The following PDE10A variants were observed in gnomAD, a reference collection of about 807,000 sequenced individuals.
PDE10A encodes phosphodiesterase 10A, also known as cAMP and cAMP-inhibited cGMP 3',5'-cyclic phosphodiesterase 10A.
In PDE10A, 39 loss-of-function variants were observed where a neutral mutation model predicts 97.7. That is an observed-to-expected ratio of 0.40 (90% confidence interval 0.31 to 0.52). PDE10A has a LOEUF of 0.52. Among genes scored for constraint, PDE10A ranks in the 20% least tolerant of loss-of-function variants. The pLI is 0.56. For synonymous variants in PDE10A, 371 were observed against 376.8 expected, an observed-to-expected ratio of 0.98 and a Z score of 0.18; for missense variants, 731 against 1,047.8, an observed-to-expected ratio of 0.70 and a Z score of 4.17.
intron 2 of PDE10A, among the ~76,000 whole-genome samples, chr6:165,541,181 A>ACTT (rs1783415753): frequency 6.6e-6 from 1 of 152,128 alleles, no homozygotes; most frequent in Admixed American, 6.5e-5. Flanking sequence ...CCTGTTTACT[A>ACTT]CTGATGCATT....
chr6:165,904,095 G>A (rs778486537), intron 1 of PDE10A, among the ~76,000 whole-genome samples: 7 of 152,292 alleles, frequency 4.6e-5, no homozygotes, highest in South Asian at 2.1e-4. Context: ...ATTATAGGAC[G>A]TAGGAGGGTT....
chr6:165,419,674 A>C (rs76792806), intron 10 of PDE10A, among the ~76,000 whole-genome samples: 3,168 of 152,080 alleles, frequency 0.021, 139 homozygotes, highest in African/African-American at 0.073. Flanking sequence ...TACTGTCCTG[A>C]GTGGGTTGGG....
At chr6:165,794,020 T>C (rs1341878010) in intron 1 of PDE10A, among the ~76,000 whole-genome samples, 1 of 152,076 alleles carries the variant, frequency 6.6e-6, no homozygotes, top group East Asian at 1.9e-4. Flanking sequence ...TCAAAGCTAG[T>C]AGCAAGCAAA....
At chr6:165,723,855 T>C (rs968477627) in intron 1 of PDE10A, among the ~76,000 whole-genome samples, 3 of 151,798 alleles carry the variant, frequency 2.0e-5, no homozygotes, top group Non-Finnish European at 4.4e-5. Context: ...AGGTGTTTTT[T>C]TTTTTAATTT....
intron 7 of PDE10A, 24 bp from the exon 8 acceptor site, chr6:165,431,496 C>A (rs1278660341): frequency 2.8e-6 from 4 of 1,430,266 alleles, no homozygotes; most frequent in Non-Finnish European, 3.9e-6. Flanking sequence ...GAAATACATA[C>A]CTATAAGTAA....
chr6:165,742,265 C>T (rs1407135845), intron 1 of PDE10A, among the ~76,000 whole-genome samples: 2 of 152,152 alleles, frequency 1.3e-5, no homozygotes, highest in East Asian at 3.9e-4. Context: ...GAATTGAAAT[C>T]GGCCCCCTTG....
chr6:165,557,669 TTTGA>T (rs1185163844), intron 1 of PDE10A, among the ~76,000 whole-genome samples: 1 of 152,214 alleles, frequency 6.6e-6, no homozygotes, highest in Non-Finnish European at 1.5e-5. Context: ...CTTGAAAATG[TTTGA>T]TTATCAATTC....
chr6:165,494,669 C>CTGTA (rs1780436887), intron 2 of PDE10A, among the ~76,000 whole-genome samples: 1 of 152,010 alleles, frequency 6.6e-6, no homozygotes, highest in Admixed American at 6.6e-5. Flanking sequence ...TATGAACTAG[C>CTGTA]TACAAAGTTA....
intron 1 of PDE10A, among the ~76,000 whole-genome samples, chr6:165,619,636 AGT>A (rs1788014921): frequency 1.6e-5 from 2 of 127,558 alleles, no homozygotes; most frequent in African/African-American, 2.7e-5. Context: ...AGTATAGTGT[AGT>A]GTAGTATAGT....
intron 18 of PDE10A, among the ~76,000 whole-genome samples, chr6:165,357,516 T>TG (rs1318565320): frequency 6.6e-6 from 1 of 152,042 alleles, no homozygotes; most frequent in Non-Finnish European, 1.5e-5. Context: ...TCCTGAGGGA[T>TG]GGGTGGTTTG....
At chr6:165,984,617 G>A (rs1289444423) in intron 1 of PDE10A, among the ~76,000 whole-genome samples, 1 of 152,194 alleles carries the variant, frequency 6.6e-6, no homozygotes, top group African/African-American at 2.4e-5. Context: ...CACTCATGGT[G>A]ATATTGAATT....
At chr6:165,906,478 A>G (rs146647203) in intron 1 of PDE10A, among the ~76,000 whole-genome samples, 33 of 152,266 alleles carry the variant, frequency 2.2e-4, no homozygotes, top group African/African-American at 7.7e-4. Context: ...TTCAAACTCC[A>G]GGTCTCAAAC....
Position 165,418,653 on chromosome 6 carries a change from T to C in PDE10A, c.1778A>G (p.Lys593Arg), listed in dbSNP as rs1040776614. The change falls in exon 11 of 22, where the codon AAG (lysine) becomes AGG (arginine). Residue 593 changes from lysine to arginine, a missense_variant. Physicochemically the swap from Lys to Arg is conservative, Grantham distance 26. Coordinates refer to ENST00000539869, the MANE Select transcript of PDE10A (RefSeq NM_001385079.1). The surrounding 1 kb of genome is among the most constrained non-coding windows in gnomAD (Gnocchi z 4.8). Reference protein sequence around the residue: ...GEEKEGKPVFKKTKEIRFSIE... With the variant: ...GEEKEGKPVFRKTKEIRFSIE... ...GCTGTACCTTATCTCTTTGGTCTTC[T>C]TGAAGACAGGTTTTCCTTCCTTTTC... is the stretch of plus-strand genomic sequence containing the variant. 4.3e-6 allele frequency: 7 copies of C among 1,613,228 alleles called. No individual in the cohort carries two copies. The highest frequency in any genetic ancestry group is 5.9e-6 in the Non-Finnish European group (7 of 1,179,796).
chr6:165,824,858 G>A (rs574694532), intron 1 of PDE10A, among the ~76,000 whole-genome samples: 7 of 151,710 alleles, frequency 4.6e-5, no homozygotes, highest in South Asian at 4.2e-4. Flanking sequence ...GGCTGGGTGC[G>A]GTGGCTCATG....
chr6:165,626,446 T>G (rs115055939), intron 1 of PDE10A, among the ~76,000 whole-genome samples: 2,190 of 152,164 alleles, frequency 0.014, 39 homozygotes, highest in African/African-American at 0.046. Context: ...ATATAGAAAA[T>G]TTTCTGAGTT....
intron 1 of PDE10A, among the ~76,000 whole-genome samples, chr6:165,855,797 A>T (rs74442463): frequency 0.042 from 6,389 of 152,094 alleles, 160 homozygotes; most frequent in Middle Eastern, 0.078. Flanking sequence ...CACGTCAGGC[A>T]GTTCTTGTCT....
intron 1 of PDE10A, among the ~76,000 whole-genome samples, chr6:165,822,756 A>T (rs141067216): frequency 2.4e-3 from 363 of 152,316 alleles, no homozygotes; most frequent in African/African-American, 8.4e-3. Context: ...TCAACACTAT[A>T]CACTTAGGCT....
In PDE10A at chr6:165,839,869, C is replaced by CCATCTTCATCCT. The variant is rs1780181243; in HGVS notation, c.-615+147659_-615+147660insAGGATGAAGATG. ...ATCATCTCCATCCCTGTCTCCATTC[C>CCATCTTCATCCT]CATCTGCACCTCTGTCTCCATCCCC... is the stretch of plus-strand genomic sequence containing the variant. On this transcript the variant is annotated intron_variant, in intron 1 of 19. Coordinates refer to the PDE10A transcript ENST00000366882. Among the ~76,000 whole-genome samples the CCATCTTCATCCT allele has an allele frequency of 1.4e-3, 6 of 4,184 alleles. No homozygotes were observed. The East Asian group carries it at 0.017, about 12-fold the overall frequency. The allele number at this position is 4,184 out of a possible 152,430, so 2.7% of individuals were successfully genotyped here.
rs747638910 is a variant in PDE10A, at chr6:165,448,994, A to C, written c.1145-17T>G. The C allele has an allele frequency of 6.2e-7, 1 of 1,606,626 alleles. No individual in the cohort carries two copies. Among genetic ancestry groups the C allele is most frequent in the Admixed American group, 1.7e-5 (1 of 60,010 alleles). Reference sequence around the variant, plus strand: ...CTTTTGTGGCTGCCAAAGTAATAAGAAAAGGAAGAAACTGAGCTCAGTGGG... The same window carrying C: ...CTTTTGTGGCTGCCAAAGTAATAAGCAAAGGAAGAAACTGAGCTCAGTGGG... On this transcript the variant is annotated splice_polypyrimidine_tract_variant and intron_variant, in intron 4 of 21. Transcript: ENST00000539869.
Sources: gnomAD v4.1 joint callset for allele counts (sites outside exome capture counted in the v4.1 genomes callset) on GRCh38, gnomAD v4.1.1 for gene constraint, Gnocchi (gnomAD v3.1) non-coding constraint, MANE v1.5 for transcripts, NCBI Gene and HGNC (gene_info 2026-07-23, HGNC 2026-07-21) for gene names.